NELL1: variants seen among roughly 807,000 people sequenced by gnomAD.
NELL1 encodes neural EGFL like 1.
In NELL1, 76 loss-of-function variants were observed where a neutral mutation model predicts 107.4. The ratio of observed to expected loss-of-function variants is 0.71; its 90% CI spans 0.59 to 0.86. NELL1 has a LOEUF of 0.86. NELL1 is among the 40% of genes least tolerant of loss of function. The pLI is 0.00. For synonymous variants in NELL1, 353 were observed against 341.2 expected, an observed-to-expected ratio of 1.03 and a Z score of -0.38; for missense variants, 1,024 against 1,005.5, an observed-to-expected ratio of 1.02 and a Z score of -0.25.
chr11:21,359,231 G>A (rs1851015931), intron 14 of NELL1, among the ~76,000 whole-genome samples: 1 of 152,098 alleles, frequency 6.6e-6, no homozygotes, highest in African/African-American at 2.4e-5. Flanking sequence ...CATCTATTGA[G>A]ATGATCCTAT....
chr11:21,067,118 C>T (rs1374250177), intron 12 of NELL1, among the ~76,000 whole-genome samples: 1 of 152,080 alleles, frequency 6.6e-6, no homozygotes, highest in African/African-American at 2.4e-5. Flanking sequence ...TCTCCCTTCA[C>T]AGTAAGGAAT....
chr11:21,408,887 T>C (rs1852297674), intron 15 of NELL1, among the ~76,000 whole-genome samples: 1 of 151,986 alleles, frequency 6.6e-6, no homozygotes, highest in East Asian at 2.0e-4. Context: ...TGAGATACCA[T>C]CTCACACCAA....
At chr11:20,967,329 G>A (rs1329071746) in intron 12 of NELL1, among the ~76,000 whole-genome samples, 1 of 151,426 alleles carries the variant, frequency 6.6e-6, no homozygotes, top group East Asian at 1.9e-4. Context: ...CCAATACTTA[G>A]GTAACTTTTT....
intron 13 of NELL1, among the ~76,000 whole-genome samples, chr11:21,194,851 C>A (rs557474850): frequency 6.6e-6 from 1 of 152,200 alleles, no homozygotes; most frequent in East Asian, 1.9e-4. Flanking sequence ...TTAGCACAGA[C>A]CCGAGTCTAG....
chr11:21,291,789 C>T (rs544038164), intron 14 of NELL1, among the ~76,000 whole-genome samples: 9 of 152,136 alleles, frequency 5.9e-5, no homozygotes, highest in South Asian at 2.1e-4. Flanking sequence ...AATCAAAAAA[C>T]GTAACCCATC....
intron 10 of NELL1, among the ~76,000 whole-genome samples, chr11:20,942,920 G>A (rs1265217367): frequency 6.6e-6 from 1 of 152,160 alleles, no homozygotes; most frequent in African/African-American, 2.4e-5. Flanking sequence ...TATTATCAAA[G>A]AGGAGCCAGG....
At chr11:21,366,378 C>T (rs1267739609) in intron 14 of NELL1, among the ~76,000 whole-genome samples, 1 of 152,082 alleles carries the variant, frequency 6.6e-6, no homozygotes, top group African/African-American at 2.4e-5. Context: ...GATTTCCTTC[C>T]CATTTTGGAT....
chr11:21,430,383 C>A (rs868831698), intron 15 of NELL1, among the ~76,000 whole-genome samples: 2 of 152,146 alleles, frequency 1.3e-5, no homozygotes, highest in African/African-American at 4.8e-5. Flanking sequence ...TTCTGAATAA[C>A]AAGGATCCTT....
intron 12 of NELL1, among the ~76,000 whole-genome samples, chr11:21,044,443 G>T (rs1020488495): frequency 7.9e-5 from 12 of 152,132 alleles, no homozygotes; most frequent in African/African-American, 2.9e-4. Context: ...GAAGTTTGGC[G>T]TAGTAGCAGA....
chr11:21,413,089 A>G (rs547860056), intron 15 of NELL1, among the ~76,000 whole-genome samples: 3 of 152,072 alleles, frequency 2.0e-5, no homozygotes, highest in Non-Finnish European at 4.4e-5. Flanking sequence ...AAACTTTATT[A>G]AACAACAACA....
intron 14 of NELL1, among the ~76,000 whole-genome samples, chr11:21,271,170 A>C (rs1472544448): frequency 1.3e-5 from 2 of 152,082 alleles, no homozygotes; most frequent in East Asian, 3.9e-4. Context: ...AATTGAAAAC[A>C]GGAAATCAAT....
chr11:20,952,557 G>T (rs1289739202), intron 11 of NELL1, among the ~76,000 whole-genome samples: 1 of 152,182 alleles, frequency 6.6e-6, no homozygotes, highest in African/African-American at 2.4e-5. Flanking sequence ...GTAAACTAGT[G>T]CCTAAATAGA....
intron 2 of NELL1, among the ~76,000 whole-genome samples, chr11:20,760,497 C>T (rs1159426365): frequency 6.6e-6 from 1 of 152,088 alleles, no homozygotes; most frequent in African/African-American, 2.4e-5. Flanking sequence ...GACCATGAGC[C>T]CCTAGACTTT....
intron 12 of NELL1, among the ~76,000 whole-genome samples, chr11:21,049,717 A>G (rs1853445640): frequency 6.6e-6 from 1 of 151,386 alleles, no homozygotes; most frequent in Non-Finnish European, 1.5e-5. Flanking sequence ...TCTCTCTGTC[A>G]CCCAGGCTGG....
At chr11:20,952,831 G>C (rs1248910575) in intron 11 of NELL1, among the ~76,000 whole-genome samples, 1 of 152,198 alleles carries the variant, frequency 6.6e-6, no homozygotes, top group African/African-American at 2.4e-5. Flanking sequence ...GGCTGCCTCA[G>C]ACCTTAAGGG....
intron 12 of NELL1, among the ~76,000 whole-genome samples, chr11:20,972,489 G>A (rs1335841836): frequency 6.6e-6 from 1 of 152,004 alleles, no homozygotes; most frequent in Non-Finnish European, 1.5e-5. Flanking sequence ...AGTGTGGGGT[G>A]GTATAGGAAA....
At chr11:21,185,271 T>C (rs1856909030) in intron 13 of NELL1, among the ~76,000 whole-genome samples, 1 of 150,774 alleles carries the variant, frequency 6.6e-6, no homozygotes, top group Non-Finnish European at 1.5e-5. Flanking sequence ...ACTAGGAACA[T>C]ACTTGTATTT....
At chr11:20,992,776 G>A (rs1311610810) in intron 12 of NELL1, among the ~76,000 whole-genome samples, 2 of 140,106 alleles carry the variant, frequency 1.4e-5, no homozygotes, top group Admixed American at 8.0e-5. Context: ...GTGCAATGGT[G>A]CGATCTTGGC....
intron 12 of NELL1, among the ~76,000 whole-genome samples, chr11:20,983,909 T>C (rs1851799184): frequency 6.6e-6 from 1 of 152,138 alleles, no homozygotes; most frequent in South Asian, 2.1e-4. Context: ...TGCCTTCTGA[T>C]CTCATTTTGC....
Sources: allele counts gnomAD v4.1 joint callset (sites outside exome capture counted in the v4.1 genomes callset), GRCh38; gene constraint gnomAD v4.1.1; transcripts MANE v1.5; gene names NCBI Gene and HGNC (gene_info 2026-07-23, HGNC 2026-07-21).